The following RCSD1 variants were observed in gnomAD, a reference collection of about 807,000 sequenced individuals.
RCSD1 encodes RCSD domain containing 1.
In RCSD1, 26 loss-of-function variants were observed where a neutral mutation model predicts 42.5. The observed-to-expected ratio is 0.61, with a 90% CI of 0.45 to 0.85. The LOEUF (loss-of-function observed/expected upper bound fraction) is 0.85. Ranked by LOEUF, RCSD1 falls within the 40% of genes least tolerant of loss-of-function variation. The pLI is 0.00. For synonymous variants in RCSD1, 220 were observed against 212.2 expected (o/e 1.04, Z -0.32); for missense variants, 571 against 528.3 (o/e 1.08, Z -0.79).
intron 4 of RCSD1, among the ~76,000 whole-genome samples, chr1:167,690,873 C>T (rs1659359539): frequency 6.6e-6 from 1 of 152,206 alleles, no homozygotes; most frequent in South Asian, 2.1e-4. Context: ...CCTGTCCAAC[C>T]TCTCCACCAG....
intron 1 of RCSD1, among the ~76,000 whole-genome samples, chr1:167,651,123 T>C (rs1473910554): frequency 6.6e-6 from 1 of 152,152 alleles, no homozygotes; most frequent in Non-Finnish European, 1.5e-5. Flanking sequence ...AATGACCTTG[T>C]TTTAACTTAA....
rs1571100393 is a variant in RCSD1 at position 167,690,033 on chromosome 1, T to C, written c.199-16T>C. On this transcript the variant is annotated splice_polypyrimidine_tract_variant and intron_variant, in intron 3 of 6. Transcript: ENST00000367854. ...CACCTTACTTATCTGGTTGTTTTGG[T>C]TGATTTGCTCCATAGAAATCACCAC... 1 of 1,613,814 alleles carries C rather than the reference T, an allele frequency of 6.2e-7. No homozygotes were observed. The highest frequency in any genetic ancestry group is 8.5e-7 in the Non-Finnish European group (1 of 1,179,772).
chr1:167,702,952 T>A (rs1659677455), intron 6 of RCSD1, among the ~76,000 whole-genome samples: 1 of 152,232 alleles, frequency 6.6e-6, no homozygotes, highest in Admixed American at 6.5e-5. Context: ...CTTTGCTGTA[T>A]TAACAATAAG....
At chr1:167,659,993 A>G (rs1173323476) in intron 1 of RCSD1, among the ~76,000 whole-genome samples, 1 of 152,092 alleles carries the variant, frequency 6.6e-6, no homozygotes, top group Non-Finnish European at 1.5e-5. Context: ...CTTTTTTGCA[A>G]TCTTGGTTTG....
intron 1 of RCSD1, among the ~76,000 whole-genome samples, chr1:167,661,541 G>A (rs1309309055): frequency 6.6e-6 from 1 of 152,384 alleles, no homozygotes. Flanking sequence ...CTCTCTGGGT[G>A]TAGTGGCTGG....
At chr1:167,652,019 T>A (rs918108281) in intron 1 of RCSD1, among the ~76,000 whole-genome samples, 2 of 8,564 alleles carry the variant, frequency 2.3e-4, no homozygotes, top group East Asian at 2.3e-3. Context: ...TCTGTTCATC[T>A]TTTTTTTTTT....
At chr1:167,684,943 C>A (rs1659188495) in intron 2 of RCSD1, among the ~76,000 whole-genome samples, 1 of 152,146 alleles carries the variant, frequency 6.6e-6, no homozygotes, top group Non-Finnish European at 1.5e-5. Context: ...TCTATCGTGG[C>A]CCCTTGGGGC....
At chr1:167,690,290 T>A (rs1659345654) in intron 4 of RCSD1, among the ~76,000 whole-genome samples, 170 bp downstream of exon 4, 1 of 152,160 alleles carries the variant, frequency 6.6e-6, no homozygotes, top group Non-Finnish European at 1.5e-5. Flanking sequence ...CTCACAGCCC[T>A]GCCTGAGGGA....
At chr1:167,677,072 CTT>C in intron 1 of RCSD1, among the ~76,000 whole-genome samples, 1 of 152,290 alleles carries the variant, frequency 6.6e-6, no homozygotes, top group South Asian at 2.1e-4. Flanking sequence ...ACATCTGGGA[CTT>C]TTTTGGTTCT....
chr1:167,661,258 C>A (rs1164718511), intron 1 of RCSD1, among the ~76,000 whole-genome samples: 2 of 152,238 alleles, frequency 1.3e-5, no homozygotes, highest in Admixed American at 6.5e-5. Flanking sequence ...AGATAGGTAG[C>A]TTGTCCAGGG....
chr1:167,649,145 T>G (rs1418372586), intron 1 of RCSD1, among the ~76,000 whole-genome samples: 3 of 152,112 alleles, frequency 2.0e-5, no homozygotes, highest in African/African-American at 7.2e-5. Context: ...TTAAAGGCAG[T>G]GAAACCTGAG....
chr1:167,707,335 CTTA>C lies in RCSD1; in HGVS notation c.*2641_*2643del, dbSNP rs1287221883. ...CGTGAAAAGGCAACCAGTTCATCATCTTATGATTAGGTTTTCTTGATTAGGGAT... is the reference window on the plus strand; with the variant it reads ...CGTGAAAAGGCAACCAGTTCATCATCTGATTAGGTTTTCTTGATTAGGGAT... On this transcript the variant is annotated 3_prime_UTR_variant, in exon 7 of 7. Transcript: ENST00000367854. Among the ~76,000 whole-genome samples the C allele has an allele frequency of 1.3e-5, 2 of 152,254 alleles. No homozygotes were observed. Among genetic ancestry groups the C allele is most frequent in the Non-Finnish European group, 2.9e-5 (2 of 68,052 alleles).
chr1:167,708,612 G>T lies in RCSD1; in HGVS notation c.*3916G>T, dbSNP rs898692897. 6.6e-6 allele frequency among the ~76,000 whole-genome samples: 1 copy of T among 152,144 alleles called. No individual in the cohort carries two copies. The highest frequency in any genetic ancestry group is 1.5e-5 in the Non-Finnish European group (1 of 68,030). On this transcript the variant is annotated 3_prime_UTR_variant, in exon 7 of 7. Coordinates refer to ENST00000367854, the MANE Select transcript of RCSD1 (RefSeq NM_052862.4). ...CCAGAGCTAACCTGTAGCTCTAGGGGAGTACAATGTGTTTGTATTATTCTT... is the reference window on the plus strand; with the variant it reads ...CCAGAGCTAACCTGTAGCTCTAGGGTAGTACAATGTGTTTGTATTATTCTT...
At chr1:167,630,488 T>C in intron 1 of RCSD1, 59 bp downstream of exon 1, 1 of 1,478,324 alleles carries the variant, frequency 6.8e-7, no homozygotes, top group South Asian at 1.3e-5. Flanking sequence ...CGGGCGCCCC[T>C]TCCCCGGGCG....
intron 6 of RCSD1, among the ~76,000 whole-genome samples, chr1:167,700,335 G>A (rs1385759945): frequency 3.9e-5 from 6 of 152,082 alleles, no homozygotes; most frequent in Non-Finnish European, 7.4e-5. Context: ...AGGCAGAGGT[G>A]CTCCAGATTT....
rs149476648 is a variant in RCSD1 at position 167,681,951 on chromosome 1, G to A, written c.7-1949G>A. On this transcript the variant is annotated intron_variant, in intron 1 of 6. Coordinates refer to ENST00000367854, the MANE Select transcript of RCSD1 (RefSeq NM_052862.4). ...ATCAGGGTGGGGCCTCGCACTCCTC[G>A]GCTTTCCCCCAGCATCATGGGGAAA... Among the ~76,000 whole-genome samples the A allele has an allele frequency of 2.7e-4, 41 of 152,212 alleles. 1 individual carries two copies. The East Asian group carries it at 4.6e-3, about 17-fold the overall frequency.
intron 5 of RCSD1, among the ~76,000 whole-genome samples, chr1:167,696,813 T>C (rs1201402662): frequency 6.6e-6 from 1 of 152,182 alleles, no homozygotes; most frequent in East Asian, 1.9e-4. Flanking sequence ...GATTAATGTT[T>C]TACAGTGCAA....
At chr1:167,644,289 G>A (rs1241303974) in intron 1 of RCSD1, among the ~76,000 whole-genome samples, 1 of 152,110 alleles carries the variant, frequency 6.6e-6, no homozygotes, top group Non-Finnish European at 1.5e-5. Context: ...AGACCAGCCT[G>A]ACCAACATGG....
At chr1:167,658,720 C>T (rs967153428) in intron 1 of RCSD1, among the ~76,000 whole-genome samples, 3 of 152,134 alleles carry the variant, frequency 2.0e-5, no homozygotes, top group Non-Finnish European at 4.4e-5. Flanking sequence ...CATGAGTCAC[C>T]ATGCCTGGCC....
Sources: gnomAD v4.1 joint callset for allele counts (sites outside exome capture counted in the v4.1 genomes callset) on GRCh38, gnomAD v4.1.1 for gene constraint, MANE v1.5 for transcripts, NCBI Gene and HGNC (gene_info 2026-07-23, HGNC 2026-07-21) for gene names.